Variants in RIC1 observed in about 807,000 individuals in gnomAD.
RIC1 encodes the protein guanine nucleotide exchange factor subunit RIC1.
In RIC1, 88 loss-of-function variants were observed where a neutral mutation model predicts 169.0. The ratio of observed to expected loss-of-function variants is 0.52; its 90% CI spans 0.44 to 0.62. The LOEUF (loss-of-function observed/expected upper bound fraction) is 0.62, where lower values mean the gene tolerates loss of function less well. Among genes scored for constraint, RIC1 ranks in the 20% least tolerant of loss-of-function variants. The pLI, the probability that RIC1 is intolerant of heterozygous loss-of-function variation, is 0.00. For synonymous variants in RIC1, 790 were observed against 601.5 expected (o/e 1.31, Z -4.59); for missense variants, 1,877 against 1,725.5 (o/e 1.09, Z -1.56).
chr9:5,673,535 GATATATATAT>G (rs59648906), intron 2 of RIC1, among the ~76,000 whole-genome samples: 2 of 119,304 alleles, frequency 1.7e-5, no homozygotes, highest in East Asian at 2.5e-4. Flanking sequence ...AACATAAGGA[GATATATATAT>G]ATATATATAT....
At chr9:5,739,381 G>A (rs1328747643) in intron 8 of RIC1, among the ~76,000 whole-genome samples, 2 of 152,114 alleles carry the variant, frequency 1.3e-5, no homozygotes, top group Admixed American at 6.5e-5. Context: ...AATAAATTCA[G>A]CCTGATCCAA....
intron 2 of RIC1, among the ~76,000 whole-genome samples, chr9:5,683,359 C>G (rs1030037770): frequency 4.6e-5 from 7 of 152,194 alleles, no homozygotes. Context: ...AGTTTTCCCT[C>G]TAACAGTCAG....
At chr9:5,752,849 T>C (rs1298777453) in intron 12 of RIC1, among the ~76,000 whole-genome samples, 1 of 152,188 alleles carries the variant, frequency 6.6e-6, no homozygotes, top group Non-Finnish European at 1.5e-5. Context: ...TTGGAATGGT[T>C]TATATCAGCA....
intron 3 of RIC1, among the ~76,000 whole-genome samples, chr9:5,702,793 C>T (rs563410954): frequency 2.0e-3 from 312 of 152,244 alleles, no homozygotes; most frequent in African/African-American, 6.9e-3. Context: ...GCATTCTGCC[C>T]GACTTGGCCT....
Position 5,647,482 on chromosome 9 carries a change from A to G in RIC1, c.145-9101A>G, listed in dbSNP as rs189913531. Among the ~76,000 whole-genome samples the G allele has an allele frequency of 4.1e-3, 631 of 152,250 alleles. 14 individuals carry two copies. The highest frequency in any genetic ancestry group is 1.5e-3 in the Non-Finnish European group (100 of 68,008). On this transcript the variant is annotated intron_variant, in intron 1 of 25. Transcript: ENST00000414202. The stretch of plus-strand genomic sequence containing the variant: ...CATTTATTTGTGTCTAATTTCTTTC[A>G]GTGATATTTTGCAGTTTTCACTGTA...
At chr9:5,653,851 C>T (rs1251353323) in intron 1 of RIC1, among the ~76,000 whole-genome samples, 1 of 152,146 alleles carries the variant, frequency 6.6e-6, no homozygotes, top group Non-Finnish European at 1.5e-5. Flanking sequence ...CTGCCTCAGC[C>T]TCCCAAAGTG....
chr9:5,714,427 T>G (rs887189156), intron 4 of RIC1, among the ~76,000 whole-genome samples: 4 of 152,146 alleles, frequency 2.6e-5, no homozygotes, highest in African/African-American at 9.7e-5. Flanking sequence ...GAATAAAGGT[T>G]TTATGACAAA....
intron 3 of RIC1, among the ~76,000 whole-genome samples, chr9:5,696,116 C>G (rs1255946683): frequency 6.6e-6 from 1 of 152,068 alleles, no homozygotes; most frequent in Non-Finnish European, 1.5e-5. Context: ...ATTCATTTAA[C>G]TCTATTTTAC....
At position 5,772,572 on chromosome 9, in the gene RIC1, T is replaced by G. The variant is rs778574444; in HGVS notation, c.3625T>G (p.Cys1209Gly). ...LSPLSNKGDE[C>G]SIGSATDLTE... ...TGGCAATTCTTCATCAGGTGATGAATGCAGTATTGGTTCAGCCACAGACTT... is the reference window on the plus strand; with the variant it reads ...TGGCAATTCTTCATCAGGTGATGAAGGCAGTATTGGTTCAGCCACAGACTT... Residue 1209 changes from cysteine (C) to glycine (G), a missense_variant, in exon 24 of 26, where the codon TGC becomes GGC. Transcript: ENST00000414202. 10 of 1,605,240 alleles carry G rather than the reference T, an allele frequency of 6.2e-6. No individual in the cohort carries two copies. Among genetic ancestry groups the G allele is most frequent in the Admixed American group, 1.7e-5 (1 of 57,282 alleles).
chr9:5,704,881 T>C (rs754738311), intron 3 of RIC1, among the ~76,000 whole-genome samples: 1 of 152,206 alleles, frequency 6.6e-6, no homozygotes, highest in African/African-American at 2.4e-5. Flanking sequence ...CTTAATTCTT[T>C]CGTAAATGGT....
At chr9:5,684,241 C>G (rs1229994567) in intron 2 of RIC1, among the ~76,000 whole-genome samples, 2 of 115,080 alleles carry the variant, frequency 1.7e-5, no homozygotes. Flanking sequence ...GAGCTGTAGA[C>G]TGGAGCTGTT....
intron 2 of RIC1, among the ~76,000 whole-genome samples, chr9:5,679,493 G>A (rs1331850061): frequency 6.6e-6 from 1 of 152,114 alleles, no homozygotes; most frequent in Non-Finnish European, 1.5e-5. Context: ...TCTTCCATTT[G>A]TTTGTATCCT....
At position 5,693,645 on chromosome 9, in the gene RIC1, G is replaced by A. The variant is rs962875065; in HGVS notation, c.332+3607G>A. Among the ~76,000 whole-genome samples the A allele has an allele frequency of 2.0e-5, 3 of 152,062 alleles. No individual in the cohort carries two copies. The East Asian group carries it at 5.8e-4, about 29-fold the overall frequency. ...GGAAATTTTAGTGAAATTAATGAAG[G>A]AAACTTCCAGGGATAAGTCAGAAAT... On this transcript the variant is annotated intron_variant, in intron 3 of 25. Transcript: ENST00000414202.
chr9:5,765,507 A>C lies in RIC1; in HGVS notation c.2935A>C (p.Ile979Leu). 1 of 1,614,206 alleles carries C rather than the reference A, an allele frequency of 6.2e-7. No individual in the cohort carries two copies. The highest frequency in any genetic ancestry group is 8.5e-7 in the Non-Finnish European group (1 of 1,180,008). The change falls in exon 20 of 26, where the codon ATT (isoleucine) becomes CTT (leucine). Residue 979 changes from isoleucine (I) to leucine (L), a missense_variant. Ile to Leu is a conservative substitution (Grantham distance 5). Transcript: ENST00000414202. ...QGKWDLCRHMIRFLKAIGSGE... is the reference protein window; with the variant it reads ...QGKWDLCRHMLRFLKAIGSGE... Reference sequence around the variant, plus strand: ...CAAGTGGGACCTTTGTCGACACATGATTCGATTTCTTAAAGCCATTGGCTC... The same window carrying C: ...CAAGTGGGACCTTTGTCGACACATGCTTCGATTTCTTAAAGCCATTGGCTC...
At chr9:5,666,853 T>C (rs1819802171) in intron 2 of RIC1, among the ~76,000 whole-genome samples, 1 of 152,250 alleles carries the variant, frequency 6.6e-6, no homozygotes, top group Non-Finnish European at 1.5e-5. Context: ...TTTTTAGAAC[T>C]TTGTCAGTTT....
At chr9:5,646,795 C>A (rs1456649479) in intron 1 of RIC1, among the ~76,000 whole-genome samples, 2 of 152,128 alleles carry the variant, frequency 1.3e-5, no homozygotes, top group African/African-American at 4.8e-5. Context: ...GCCATTGATG[C>A]ACAGCATTTT....
chr9:5,754,856 G>A lies in RIC1; in HGVS notation c.1618G>A (p.Val540Met), dbSNP rs373564292. 74 of 1,565,280 alleles carry A rather than the reference G, an allele frequency of 4.7e-5. No individual in the cohort carries two copies. Among genetic ancestry groups the A allele is most frequent in the Non-Finnish European group, 5.7e-5 (66 of 1,148,466 alleles). ...TTATTTTAAGGAGCAAAATATGATC[G>A]TGACAGGTGGCTTAGCCTGGTGGAA... ...GNITQEQNMI[V>M]TGGLAWWNDF... The change falls in exon 15 of 26, where the codon GTG (valine) becomes ATG (methionine). Residue 540 changes from valine (V) to methionine (M), a missense_variant. This residue lies in a region of RIC1 where 1,104 missense variants were observed against 992.0 expected (regional missense o/e 1.11). Transcript: ENST00000414202.
chr9:5,714,910 T>C lies in RIC1; in HGVS notation c.440+907T>C, dbSNP rs73392682. On this transcript the variant is annotated intron_variant, in intron 4 of 25. Transcript: ENST00000414202. ...TTGAATTATATGAATGTCATGCTAC[T>C]TTTAAAAAAATCCCTCTGACTCACA... Among the ~76,000 whole-genome samples, 465 of 152,294 alleles carry C rather than the reference T, an allele frequency of 3.1e-3. 1 individual carries two copies. The highest frequency in any genetic ancestry group is 0.011 in the African/African-American group (441 of 41,562).
Position 5,641,748 on chromosome 9 carries a change from T to A in RIC1, c.144+12295T>A, listed in dbSNP as rs560581884. Among the ~76,000 whole-genome samples, 10 of 133,640 alleles carry A rather than the reference T, an allele frequency of 7.5e-5. 2 individuals are homozygous for A. The highest frequency in any genetic ancestry group is 3.4e-4 in the African/African-American group (10 of 29,248). 87.7% of individuals were successfully genotyped at this position (133,640 alleles called of 152,430 possible). On this transcript the variant is annotated intron_variant, in intron 1 of 25. Transcript: ENST00000414202. The stretch of plus-strand genomic sequence containing the variant: ...CAGTTTGTTGGTTGCATTTTTCAAC[T>A]TTAGAATTGCTGCTTGATTTTTAAA...
Sources: allele counts gnomAD v4.1 joint callset (sites outside exome capture counted in the v4.1 genomes callset), GRCh38; gene constraint gnomAD v4.1.1; regional missense constraint gnomAD v4.1.1; transcripts MANE v1.5; gene names NCBI Gene and HGNC (gene_info 2026-07-23, HGNC 2026-07-21).